PDGFRL: variants seen among roughly 807,000 people sequenced by gnomAD.
PDGFRL encodes the protein platelet-derived growth factor receptor-like protein.
A neutral mutation model predicts 37.2 loss-of-function variants in PDGFRL; 46 were observed. The ratio of observed to expected loss-of-function variants is 1.24; its 90% CI spans 0.98 to 1.58. The LOEUF (loss-of-function observed/expected upper bound fraction) is 1.58. Ranked by LOEUF, PDGFRL falls within the 40% of genes most tolerant of loss-of-function variation. The pLI is 0.00. For synonymous variants in PDGFRL, 251 were observed against 184.3 expected (o/e 1.36, Z -2.93); for missense variants, 692 against 467.6 (o/e 1.48, Z -4.43).
At chr8:17,612,922 C>G (rs1563519533) in intron 2 of PDGFRL, among the ~76,000 whole-genome samples, 1 of 151,998 alleles carries the variant, frequency 6.6e-6, no homozygotes, top group Non-Finnish European at 1.5e-5. Context: ...TATTCTATCT[C>G]TTTTATGATT....
At chr8:17,622,603 T>C (rs370767576) in intron 3 of PDGFRL, among the ~76,000 whole-genome samples, 1 of 152,332 alleles carries the variant, frequency 6.6e-6, no homozygotes, top group South Asian at 2.1e-4. Flanking sequence ...ATGCAGACTT[T>C]TTACTCCTTA....
chr8:17,578,936 A>C lies in PDGFRL; in HGVS notation c.55+1629A>C, dbSNP rs189435428. Reference sequence around the variant, plus strand: ...CACATCTGGCCGGGCACAGTGGCTCATGCCTGTAATCCCAGCACTTTGGGA... The same window carrying C: ...CACATCTGGCCGGGCACAGTGGCTCCTGCCTGTAATCCCAGCACTTTGGGA... On this transcript the variant is annotated intron_variant, in intron 1 of 5. Transcript: ENST00000251630. Among the ~76,000 whole-genome samples, 301 of 152,372 alleles carry C rather than the reference A, an allele frequency of 2.0e-3. 3 individuals carry two copies. Among genetic ancestry groups the C allele is most frequent in the African/African-American group, 6.7e-3 (279 of 41,594 alleles).
chr8:17,636,510 A>T (rs1346062079), intron 5 of PDGFRL, among the ~76,000 whole-genome samples: 1 of 150,000 alleles, frequency 6.7e-6, no homozygotes, highest in Non-Finnish European at 1.5e-5. Flanking sequence ...TTTGGTGACT[A>T]TGGCCTTATA....
intron 4 of PDGFRL, among the ~76,000 whole-genome samples, chr8:17,633,144 C>T (rs779682107): frequency 6.6e-6 from 1 of 152,152 alleles, no homozygotes; most frequent in East Asian, 1.9e-4. Flanking sequence ...CTCAAGGCTG[C>T]CATCAAAATT....
chr8:17,594,940 A>G (rs992623218), intron 2 of PDGFRL, among the ~76,000 whole-genome samples: 4 of 151,948 alleles, frequency 2.6e-5, no homozygotes, highest in South Asian at 2.1e-4. Context: ...ATGTGCATAT[A>G]TTTCTTTGAG....
chr8:17,604,531 A>G (rs992178276), intron 2 of PDGFRL, among the ~76,000 whole-genome samples: 13 of 152,074 alleles, frequency 8.5e-5, no homozygotes, highest in Non-Finnish European at 1.8e-4. Context: ...TAGGAATTGA[A>G]CAACGAGAAT....
chr8:17,584,247 A>T (rs776022175), intron 1 of PDGFRL, among the ~76,000 whole-genome samples: 70 of 152,298 alleles, frequency 4.6e-4, no homozygotes, highest in Non-Finnish European at 7.2e-4. Context: ...AGGGAGCATC[A>T]GGAAGGAGCA....
chr8:17,628,631 C>T lies in PDGFRL; in HGVS notation c.650C>T (p.Pro217Leu). 1 of 1,614,230 alleles carries T rather than the reference C, an allele frequency of 6.2e-7. No homozygotes were observed. The highest frequency in any genetic ancestry group is 1.6e-4 in the Middle Eastern group (1 of 6,062). ...AGGGAATTCCCAGCCAAGGAGATCC[C>T]AGCCAATGGAACGGACATTGTTTAT... ...LHREFPAKEI[P>L]ANGTDIVYDM... The change falls in exon 4 of 6, where the codon CCA (proline) becomes CTA (leucine). Residue 217 changes from proline to leucine, a missense_variant. By Grantham distance (98) the Pro-to-Leu change is moderately conservative. Coordinates refer to ENST00000251630, the MANE Select transcript of PDGFRL (RefSeq NM_001372073.1).
intron 2 of PDGFRL, among the ~76,000 whole-genome samples, chr8:17,600,189 C>T (rs1399012211): frequency 6.6e-6 from 1 of 152,190 alleles, no homozygotes. Flanking sequence ...ATTTTTTCAC[C>T]AAGGTCAACA....
intron 5 of PDGFRL, among the ~76,000 whole-genome samples, chr8:17,636,266 G>C (rs914302402): frequency 6.6e-6 from 1 of 152,176 alleles, no homozygotes; most frequent in Non-Finnish European, 1.5e-5. Flanking sequence ...TTAAGTATTT[G>C]ATCCACCTTG....
chr8:17,594,639 C>T (rs1250920218), intron 2 of PDGFRL, among the ~76,000 whole-genome samples: 3 of 152,078 alleles, frequency 2.0e-5, no homozygotes, highest in Non-Finnish European at 4.4e-5. Flanking sequence ...ACGGCAACCT[C>T]CGCCTCCCGG....
chr8:17,641,161 T>G (rs1227378004), intron 5 of PDGFRL, among the ~76,000 whole-genome samples: 1 of 152,164 alleles, frequency 6.6e-6, no homozygotes, highest in Non-Finnish European at 1.5e-5. Context: ...AGGCAGTGGA[T>G]GAGCAGGGTT....
At chr8:17,633,778 C>G (rs933267958) in intron 4 of PDGFRL, among the ~76,000 whole-genome samples, 1 of 152,186 alleles carries the variant, frequency 6.6e-6, no homozygotes, top group East Asian at 1.9e-4. Context: ...CCCCTCACCT[C>G]TTCATTCTCT....
chr8:17,584,825 GGAGT>G (rs1563503780), intron 1 of PDGFRL, among the ~76,000 whole-genome samples: 1 of 151,788 alleles, frequency 6.6e-6, no homozygotes, highest in Non-Finnish European at 1.5e-5. Context: ...GAAAGAATTC[GGAGT>G]GAGTCCATAG....
chr8:17,590,553 A>C (rs190955401), intron 2 of PDGFRL, among the ~76,000 whole-genome samples: 48 of 152,030 alleles, frequency 3.2e-4, no homozygotes, highest in Admixed American at 9.8e-4. Flanking sequence ...CTCTACAAGA[A>C]ATATAAATTA....
intron 3 of PDGFRL, 86 bp downstream of exon 3, chr8:17,621,288 C>A: frequency 1.3e-6 from 1 of 791,706 alleles, no homozygotes; most frequent in Non-Finnish European, 2.0e-6. Context: ...TGCTGAATAG[C>A]AAATAATGAC....
At chr8:17,583,107 C>A (rs892091667) in intron 1 of PDGFRL, among the ~76,000 whole-genome samples, 10 of 152,102 alleles carry the variant, frequency 6.6e-5, no homozygotes, top group African/African-American at 2.4e-4. Context: ...CTGCATATTC[C>A]CAGAATGCAA....
Position 17,642,688 on chromosome 8 carries a change from C to G in PDGFRL, c.1015C>G (p.Gln339Glu), listed in dbSNP as rs775655921. ...ACTGGGACACACCACGAGAATCTCC[C>G]AGAGTGTCATTACAGTGGAAGACTT... ...RGLGHTTRIS[Q>E]SVITVEDFET... The change falls in exon 6 of 6, where the codon CAG (glutamine) becomes GAG (glutamate). Residue 339 changes from glutamine to glutamate, a missense_variant. Gln to Glu is a conservative substitution (Grantham distance 29). Coordinates refer to ENST00000251630, the MANE Select transcript of PDGFRL (RefSeq NM_001372073.1). 11 of 1,602,270 alleles carry G rather than the reference C, an allele frequency of 6.9e-6. No individual in the cohort carries two copies. The Admixed American group carries it at 1.7e-4, about 24-fold the overall frequency.
At chr8:17,602,902 T>C (rs146065131) in intron 2 of PDGFRL, among the ~76,000 whole-genome samples, 1 of 152,364 alleles carries the variant, frequency 6.6e-6, no homozygotes, top group East Asian at 1.9e-4. Context: ...CCTTTCAGCC[T>C]TTCAGGCTAC....
Sources: allele counts gnomAD v4.1 joint callset (sites outside exome capture counted in the v4.1 genomes callset), GRCh38; gene constraint gnomAD v4.1.1; transcripts MANE v1.5; gene names NCBI Gene and HGNC (gene_info 2026-07-23, HGNC 2026-07-21).